The following AJAP1 variants were observed in gnomAD, a reference collection of about 807,000 sequenced individuals.
AJAP1 encodes the protein adherens junction-associated protein 1.
Under a neutral mutation model 35.0 loss-of-function variants are expected in AJAP1, and 5 were observed. The observed-to-expected ratio is 0.14, with a 90% confidence interval of 0.07 to 0.30. The LOEUF (loss-of-function observed/expected upper bound fraction) is 0.30, where lower values mean the gene tolerates loss of function less well. Among genes scored for constraint, AJAP1 ranks in the 10% least tolerant of loss-of-function variants. AJAP1 has a pLI of 1.00. For synonymous variants in AJAP1, 284 were observed against 249.3 expected, an observed-to-expected ratio of 1.14 and a Z score of -1.31; for missense variants, 586 against 571.0, an observed-to-expected ratio of 1.03 and a Z score of -0.27.
chr1:4,777,793 G>A (rs1157140342), intron 5 of AJAP1: 1 of 152,190 alleles, frequency 6.6e-6, no homozygotes, highest in Admixed American at 6.5e-5. Context: ...AATAAGAAGT[G>A]TACCTGTGCC....
chr1:4,734,376 G>T lies in AJAP1; in HGVS notation c.829+21677G>T, dbSNP rs1436277493. On this transcript the variant is annotated intron_variant, in intron 2 of 5. Coordinates refer to ENST00000378191, the MANE Select transcript of AJAP1 (RefSeq NM_018836.4). The surrounding 1 kb of genome is among the most constrained non-coding windows in gnomAD (Gnocchi z 4.3). Reference sequence around the variant, plus strand: ...ACAGGACACACGTCCTGGGAAGAAGGCATTCCTCTGATCTTAAATCAGCAG... The same window carrying T: ...ACAGGACACACGTCCTGGGAAGAAGTCATTCCTCTGATCTTAAATCAGCAG... Among the ~76,000 whole-genome samples, 1 of 152,162 alleles carries T rather than the reference G, an allele frequency of 6.6e-6. No homozygotes were observed. The highest frequency in any genetic ancestry group is 2.4e-5 in the African/African-American group (1 of 41,428).
At chr1:4,754,496 C>A (rs1641384902) in intron 2 of AJAP1, among the ~76,000 whole-genome samples, 1 of 152,184 alleles carries the variant, frequency 6.6e-6, no homozygotes, top group Non-Finnish European at 1.5e-5. Flanking sequence ...GCAGCCCATC[C>A]TCCTTGACAG....
At chr1:4,728,149 T>G (rs1163081559) in intron 2 of AJAP1, among the ~76,000 whole-genome samples, 1 of 152,064 alleles carries the variant, frequency 6.6e-6, no homozygotes, top group Non-Finnish European at 1.5e-5. Context: ...CAAAGACAAC[T>G]AGGAGAGCCT....
intron 2 of AJAP1, among the ~76,000 whole-genome samples, chr1:4,740,740 C>G (rs370809635): frequency 9.4e-5 from 13 of 138,488 alleles, no homozygotes; most frequent in African/African-American, 3.1e-4. Flanking sequence ...GAGCCGAGAT[C>G]GCACCACTGC....
At chr1:4,689,917 C>T (rs1311265474) in intron 1 of AJAP1, among the ~76,000 whole-genome samples, 3 of 152,108 alleles carry the variant, frequency 2.0e-5, no homozygotes, top group Non-Finnish European at 4.4e-5. Flanking sequence ...GCTTTCCTTC[C>T]AACGAGAAAA....
At chr1:4,695,907 C>T (rs1198756424) in intron 1 of AJAP1, among the ~76,000 whole-genome samples, 2 of 152,168 alleles carry the variant, frequency 1.3e-5, no homozygotes, top group African/African-American at 2.4e-5. Context: ...GAGACAGGAG[C>T]GTGATCCTGT....
rs566067979 is a variant in AJAP1 at position 4,754,896 on chromosome 1, C to T, written c.830-14957C>T. ...GGGGCATTTGTGGGGACAGTGCTCACAGCCACCACTCCCTGGGCCTTTCAT... is the reference window on the plus strand; with the variant it reads ...GGGGCATTTGTGGGGACAGTGCTCATAGCCACCACTCCCTGGGCCTTTCAT... On this transcript the variant is annotated intron_variant, in intron 2 of 5. Transcript: ENST00000378191. Among the ~76,000 whole-genome samples, 12 of 152,306 alleles carry T rather than the reference C, an allele frequency of 7.9e-5. No homozygotes were observed. In the East Asian group the frequency reaches 2.3e-3, roughly 29 times the overall value.
chr1:4,683,145 A>G (rs1639526186), intron 1 of AJAP1, among the ~76,000 whole-genome samples: 1 of 152,202 alleles, frequency 6.6e-6, no homozygotes, highest in African/African-American at 2.4e-5. Flanking sequence ...TCTTGGTTGT[A>G]GTACTCCCCT....
intron 2 of AJAP1, among the ~76,000 whole-genome samples, chr1:4,732,946 A>G (rs1475302422): frequency 6.6e-6 from 1 of 152,224 alleles, no homozygotes; most frequent in Non-Finnish European, 1.5e-5. Context: ...ACTTCTGGCT[A>G]TGGCCTCTTG....
In AJAP1 at chr1:4,693,569, G is replaced by T. The variant is rs1468369670; in HGVS notation, c.30-18331G>T. On this transcript the variant is annotated intron_variant, in intron 1 of 5. Coordinates refer to ENST00000378191, the MANE Select transcript of AJAP1 (RefSeq NM_018836.4). The surrounding 1 kb of genome is among the most constrained non-coding windows in gnomAD (Gnocchi z 4.4). ...GCATCAGGGGACTGGGAGCGGGAGG[G>T]GAGGAAGAGTTGCCAGCTCATGTCA... 6.6e-6 allele frequency among the ~76,000 whole-genome samples: 1 copy of T among 152,248 alleles called. No individual in the cohort carries two copies. The highest frequency in any genetic ancestry group is 2.4e-5 in the African/African-American group (1 of 41,472).
rs926740664 is a variant in AJAP1, at chr1:4,783,752, GA to G, written c.*1269del. 3.9e-5 allele frequency: 6 copies of G among 151,900 alleles called. No individual in the cohort carries two copies. The highest frequency in any genetic ancestry group is 1.5e-4 in the African/African-American group (6 of 41,312). 9.4% of individuals were successfully genotyped at this position (151,900 alleles called of 1,614,324 possible). On this transcript the variant is annotated 3_prime_UTR_variant, in exon 6 of 6. Coordinates refer to ENST00000378191, the MANE Select transcript of AJAP1 (RefSeq NM_018836.4). ...TCATACAAGCATAGACTGGATTAAAGAAGTTTTCCAGTTCCAAAAATTAAAG... is the reference window on the plus strand; with the variant it reads ...TCATACAAGCATAGACTGGATTAAAGAGTTTTCCAGTTCCAAAAATTAAAG...
rs1178207491 is a variant in AJAP1, at chr1:4,787,583, G to T, written c.*5098G>T. 2 of 425,484 alleles carry T rather than the reference G, an allele frequency of 4.7e-6. No homozygotes were observed. The highest frequency in any genetic ancestry group is 4.1e-5 in the African/African-American group (2 of 49,012). The allele number at this position is 425,484 out of a possible 1,614,324, so 26.4% of individuals were successfully genotyped here. ...TCCACCAAATTCCTCTGTCATTCCA[G>T]CAAGAGTGGAAGCAGAGGGGCAGGG... On this transcript the variant is annotated 3_prime_UTR_variant, in exon 6 of 6. Coordinates refer to ENST00000378191, the MANE Select transcript of AJAP1 (RefSeq NM_018836.4).
chr1:4,741,432 C>T (rs1325955670), intron 2 of AJAP1, among the ~76,000 whole-genome samples: 3 of 152,190 alleles, frequency 2.0e-5, no homozygotes. Flanking sequence ...TAATCTCTGC[C>T]TCTCTTTCCC....
intron 1 of AJAP1, among the ~76,000 whole-genome samples, chr1:4,704,671 C>T (rs1640062211): frequency 6.6e-6 from 1 of 152,108 alleles, no homozygotes; most frequent in Non-Finnish European, 1.5e-5. Flanking sequence ...GGTATATACC[C>T]AGTCATGGGA....
Position 4,658,851 on chromosome 1 carries a change from T to C in AJAP1, c.29+3397T>C, listed in dbSNP as rs563867854. Among the ~76,000 whole-genome samples, 82 of 152,308 alleles carry C rather than the reference T, an allele frequency of 5.4e-4. 1 individual carries two copies. In the South Asian group the frequency reaches 0.015, roughly 29 times the overall value. ...CAGCCCCACGCCTGCCGGGGACAGC[T>C]GTCTCTGGGTCCCTGGAGGCAGAGC... On this transcript the variant is annotated intron_variant, in intron 1 of 5. Coordinates refer to ENST00000378191, the MANE Select transcript of AJAP1 (RefSeq NM_018836.4).
Position 4,712,177 on chromosome 1 carries a change from A to G in AJAP1, c.307A>G (p.Arg103Gly). 1.3e-6 allele frequency: 2 copies of G among 1,563,872 alleles called. No homozygotes were observed. The highest frequency in any genetic ancestry group is 1.2e-5 in the South Asian group (1 of 85,306). ...MQMPRARRAH[R>G]PRDQAAALVP... ...GATGCCTCGAGCCAGACGGGCCCAC[A>G]GGCCCCGGGACCAGGCGGCCGCCCT... Residue 103 changes from arginine to glycine, a missense_variant, in exon 2 of 6, where the codon AGG becomes GGG. By Grantham distance (125) the Arg-to-Gly change is moderately radical. Coordinates refer to ENST00000378191, the MANE Select transcript of AJAP1 (RefSeq NM_018836.4).
rs1261592540 is a variant in AJAP1 at position 4,788,366 on chromosome 1, C to G, written c.*5881C>G. 6.6e-6 allele frequency: 1 copy of G among 152,252 alleles called. No homozygotes were observed. The highest frequency in any genetic ancestry group is 2.4e-5 in the African/African-American group (1 of 41,402). The allele number at this position is 152,252 out of a possible 1,614,324, so 9.4% of individuals were successfully genotyped here. On this transcript the variant is annotated 3_prime_UTR_variant, in exon 6 of 6. Transcript: ENST00000378191. ...GGCAGAGAACTGCTATCTTTTAAAC[C>G]ACCCCAGCCCTCAGTCGAACAGAAA...
intron 1 of AJAP1, among the ~76,000 whole-genome samples, chr1:4,674,974 G>T (rs1375823481): frequency 6.6e-6 from 1 of 152,252 alleles, no homozygotes; most frequent in East Asian, 1.9e-4. Flanking sequence ...GTCGTCTCAG[G>T]CACTGGCTGA....
intron 1 of AJAP1, among the ~76,000 whole-genome samples, chr1:4,688,872 C>T (rs1639668805): frequency 6.6e-6 from 1 of 151,796 alleles, no homozygotes; most frequent in African/African-American, 2.4e-5. Flanking sequence ...TCAGGAAGTT[C>T]ACAGGAGGAC....
Sources: gnomAD v4.1 joint callset for allele counts (sites outside exome capture counted in the v4.1 genomes callset) on GRCh38, gnomAD v4.1.1 for gene constraint, Gnocchi (gnomAD v3.1) non-coding constraint, MANE v1.5 for transcripts, NCBI Gene and HGNC (gene_info 2026-07-23, HGNC 2026-07-21) for gene names.